NFIC: variants seen among roughly 807,000 people sequenced by gnomAD.
The protein encoded by NFIC is nuclear factor 1 C-type.
Under a neutral mutation model 54.4 loss-of-function variants are expected in NFIC, and 12 were observed. The observed-to-expected ratio is 0.22, with a 90% CI of 0.14 to 0.36. The LOEUF (loss-of-function observed/expected upper bound fraction) is 0.36, where lower values mean the gene tolerates loss of function less well. Among genes scored for constraint, NFIC ranks in the 10% least tolerant of loss-of-function variants. The pLI is 1.00. For synonymous variants in NFIC, 322 were observed against 319.2 expected (o/e 1.01, Z -0.09); for missense variants, 575 against 718.2 (o/e 0.80, Z 2.28).
At chr19:3,443,948 C>T (rs1487092801) in intron 6 of NFIC, among the ~76,000 whole-genome samples, 2 of 152,212 alleles carry the variant, frequency 1.3e-5, no homozygotes, top group Admixed American at 1.3e-4. Flanking sequence ...GTCCACTCCA[C>T]ACACTCTGTG....
At chr19:3,438,623 G>C (rs2082244194) in intron 6 of NFIC, among the ~76,000 whole-genome samples, 2 of 151,924 alleles carry the variant, frequency 1.3e-5, no homozygotes, top group Non-Finnish European at 2.9e-5. Flanking sequence ...ATTTTCAGTA[G>C]AGACGGGGTT....
At chr19:3,383,258 G>T (rs2081242317) in intron 2 of NFIC, among the ~76,000 whole-genome samples, 1 of 152,164 alleles carries the variant, frequency 6.6e-6, no homozygotes, top group Non-Finnish European at 1.5e-5. Flanking sequence ...TTTGCCGGTG[G>T]TCAAATGCCT....
rs1349043863 is a variant in NFIC, at chr19:3,371,911, CCTTCCTTCCTTCCTTCCTTCCTTCCT to C, written c.30+5246_30+5271del. Among the ~76,000 whole-genome samples the C allele has an allele frequency of 3.1e-5, 4 of 129,782 alleles. No individual in the cohort carries two copies. The East Asian group carries it at 9.1e-4, about 30-fold the overall frequency. 85.1% of individuals were successfully genotyped at this position (129,782 alleles called of 152,430 possible). Reference sequence around the variant, plus strand: ...TCCTTCCTTCCTTCCTTCCTTCCTTCCTTCCTTCCTTCCTTCCTTCCTTCCTTCCCTCCCTCCCTCCCTCCTTCCTT... The same window carrying C: ...TCCTTCCTTCCTTCCTTCCTTCCTTCTCCCTCCCTCCCTCCCTCCTTCCTT... On this transcript the variant is annotated intron_variant, in intron 1 of 10. Transcript: ENST00000443272.
chr19:3,375,605 C>T lies in NFIC; in HGVS notation c.31-6107C>T, dbSNP rs2081093027. Among the ~76,000 whole-genome samples the T allele has an allele frequency of 6.6e-6, 1 of 152,236 alleles. No individual in the cohort carries two copies. Among genetic ancestry groups the T allele is most frequent in the African/African-American group, 2.4e-5 (1 of 41,464 alleles). ...AAAGGGCCCTGAGGTCCGGTCCCCG[C>T]CGCAGCTGTTACGGTGACTCACGCT... On this transcript the variant is annotated intron_variant, in intron 1 of 10. Coordinates refer to ENST00000443272, the MANE Select transcript of NFIC (RefSeq NM_001245002.2). The surrounding 1 kb of genome is among the most constrained non-coding windows in gnomAD (Gnocchi z 4.6).
At chr19:3,435,533 G>A (rs1005051850) in intron 6 of NFIC, among the ~76,000 whole-genome samples, 2 of 152,220 alleles carry the variant, frequency 1.3e-5, no homozygotes, top group Admixed American at 6.5e-5. Flanking sequence ...CTGATCAACA[G>A]GGCGCCTCTT....
At position 3,468,573 on chromosome 19, in the gene NFIC, TG is replaced by T. The variant is rs1382604977; in HGVS notation, c.*5810del. On this transcript the variant is annotated 3_prime_UTR_variant, in exon 11 of 11. Coordinates refer to ENST00000443272, the MANE Select transcript of NFIC (RefSeq NM_001245002.2). ...GGACAGGATGGGGCAGGGCATACAG[TG>T]GGGGGTGGGGGGGCAGCTGGGAGGA... 2 of 149,994 alleles carry T rather than the reference TG, an allele frequency of 1.3e-5. No homozygotes were observed. Among genetic ancestry groups the T allele is most frequent in the African/African-American group, 2.4e-5 (1 of 40,862 alleles). 9.3% of individuals were successfully genotyped at this position (149,994 alleles called of 1,614,324 possible).
rs141466900 is a variant in NFIC, at chr19:3,433,260, C to T, written c.635-258C>T. Among the ~76,000 whole-genome samples the T allele has an allele frequency of 7.2e-3, 1,095 of 152,352 alleles. 18 individuals are homozygous for T. The highest frequency in any genetic ancestry group is 0.024 in the African/African-American group (1,010 of 41,580). ...GATTACAGGCATGAGCCACTGCGCC[C>T]GGCCTGCTGTTCACTTGAATGCAGC... On this transcript the variant is annotated intron_variant, in intron 3 of 10. Coordinates refer to ENST00000443272, the MANE Select transcript of NFIC (RefSeq NM_001245002.2).
In NFIC at chr19:3,453,966, G is replaced by A. The variant is rs533927400; in HGVS notation, c.1423+50G>A. ...TGGTGGGGCGGATGTCCGCAGGGGGGCCTGTCCCCTCCCCAGCCCCACTGC... is the reference window on the plus strand; with the variant it reads ...TGGTGGGGCGGATGTCCGCAGGGGGACCTGTCCCCTCCCCAGCCCCACTGC... On this transcript the variant is annotated intron_variant, in intron 9 of 10. Coordinates refer to ENST00000443272, the MANE Select transcript of NFIC (RefSeq NM_001245002.2). The surrounding 1 kb of genome is among the most constrained non-coding windows in gnomAD (Gnocchi z 6.7). 5.4e-5 allele frequency: 78 copies of A among 1,456,446 alleles called. No individual in the cohort carries two copies. The African/African-American group carries it at 1.1e-3, about 20-fold the overall frequency. 90.2% of individuals were successfully genotyped at this position (1,456,446 alleles called of 1,614,324 possible).
upstream of NFIC, chr19:3,359,633 G>A (rs1423448630): frequency 3.7e-6 from 5 of 1,338,496 alleles, no homozygotes; most frequent in South Asian, 3.6e-5. Flanking sequence ...CCTCGCCGGG[G>A]ACCGAGCGCG....
chr19:3,363,259 A>AT (rs1568391856), upstream of NFIC, among the ~76,000 whole-genome samples: 11 of 23,850 alleles, frequency 4.6e-4, no homozygotes, highest in African/African-American at 2.6e-3. Context: ...ATATATATAT[A>AT]TATATATATA....
intron 2 of NFIC, among the ~76,000 whole-genome samples, chr19:3,407,303 C>T (rs1240555200): frequency 2.0e-5 from 3 of 151,562 alleles, no homozygotes; most frequent in Non-Finnish European, 4.4e-5. Context: ...TTAGTAGAGA[C>T]GGGGTTTCAC....
At chr19:3,397,507 A>G (rs1391435784) in intron 2 of NFIC, among the ~76,000 whole-genome samples, 2 of 152,158 alleles carry the variant, frequency 1.3e-5, no homozygotes, top group Non-Finnish European at 2.9e-5. Flanking sequence ...TGTGAGCTGC[A>G]TCTGAGGTCG....
chr19:3,468,410 C>G lies in NFIC; in HGVS notation c.*5641C>G, dbSNP rs1329857378. ...CTCAACTGCATCCACACCCCATCCT[C>G]TCATCTTGGGTCCCAGCCAGGCCCC... On this transcript the variant is annotated 3_prime_UTR_variant, in exon 11 of 11. Coordinates refer to ENST00000443272, the MANE Select transcript of NFIC (RefSeq NM_001245002.2). 4 of 152,356 alleles carry G rather than the reference C, an allele frequency of 2.6e-5. No individual in the cohort carries two copies. In the East Asian group the frequency reaches 7.7e-4, roughly 29 times the overall value. The allele number at this position is 152,356 out of a possible 1,614,324, so 9.4% of individuals were successfully genotyped here.
In NFIC at chr19:3,463,903, TC is replaced by T; in HGVS notation, c.*1139del. 25 of 809,746 alleles carry T rather than the reference TC, an allele frequency of 3.1e-5. No individual in the cohort carries two copies. Among genetic ancestry groups the T allele is most frequent in the Non-Finnish European group, 3.4e-5 (24 of 702,964 alleles). 50.2% of individuals were successfully genotyped at this position (809,746 alleles called of 1,614,324 possible). ...GGACACGGAATGGCCGCGGGCCTCC[TC>T]CCCCTCCCCTCCAGCCTCTCCACCA... On this transcript the variant is annotated 3_prime_UTR_variant, in exon 11 of 11. Coordinates refer to ENST00000443272, the MANE Select transcript of NFIC (RefSeq NM_001245002.2).
At chr19:3,444,577 T>G (rs1204037453) in intron 6 of NFIC, among the ~76,000 whole-genome samples, 1 of 152,200 alleles carries the variant, frequency 6.6e-6, no homozygotes, top group Non-Finnish European at 1.5e-5. Flanking sequence ...TCGCGGTGCC[T>G]GAGCTGCGCT....
upstream of NFIC, among the ~76,000 whole-genome samples, chr19:3,361,643 A>G (rs2080813224): frequency 6.6e-6 from 1 of 151,936 alleles, no homozygotes. Flanking sequence ...CCACAATGAC[A>G]CAGAGGCCTC....
In NFIC at chr19:3,464,093, G is replaced by A; in HGVS notation, c.*1324G>A. The A allele has an allele frequency of 1.0e-6, 1 of 985,140 alleles. No individual in the cohort carries two copies. The highest frequency in any genetic ancestry group is 4.7e-5 in the South Asian group (1 of 21,284). 61.0% of individuals were successfully genotyped at this position (985,140 alleles called of 1,614,324 possible). ...CCGGTGCGCCCCCCACGCCTCCGCT[G>A]CCAGTGCCTTACATTCTGGAGCGAC... is the stretch of plus-strand genomic sequence containing the variant. On this transcript the variant is annotated 3_prime_UTR_variant, in exon 11 of 11. Transcript: ENST00000443272.
chr19:3,456,670 G>T lies in NFIC; in HGVS notation c.1509+35G>T. ...GAGAGGCCGGCTGGTGGGGTGGGAG[G>T]GGCAGGGCAGAGGGGCCGGCCCGGG... On this transcript the variant is annotated intron_variant, in intron 10 of 10. Transcript: ENST00000443272. 3 of 1,432,474 alleles carry T rather than the reference G, an allele frequency of 2.1e-6. No individual in the cohort carries two copies. In the South Asian group the frequency reaches 3.8e-5, roughly 18 times the overall value. 88.7% of individuals were successfully genotyped at this position (1,432,474 alleles called of 1,614,324 possible). A position where few individuals can be genotyped will look rare whatever the true frequency, so the allele number is the denominator to read the frequency against.
intron 2 of NFIC, among the ~76,000 whole-genome samples, chr19:3,394,379 C>T (rs2081423993): frequency 6.6e-6 from 1 of 151,952 alleles, no homozygotes; most frequent in African/African-American, 2.4e-5. Context: ...ACTCAGGAGG[C>T]TGAGGTGGGA....
Sources: gnomAD v4.1 joint callset for allele counts (sites outside exome capture counted in the v4.1 genomes callset) on GRCh38, gnomAD v4.1.1 for gene constraint, Gnocchi (gnomAD v3.1) non-coding constraint, MANE v1.5 for transcripts, NCBI Gene and HGNC (gene_info 2026-07-23, HGNC 2026-07-21) for gene names.